RORA: variants seen among roughly 807,000 people sequenced by gnomAD.
RORA encodes RAR related orphan receptor A, also known as nuclear receptor ROR-alpha.
A neutral mutation model predicts 69.5 loss-of-function variants in RORA; 7 were observed. The observed-to-expected ratio is 0.10, with a 90% CI of 0.06 to 0.19. The LOEUF (loss-of-function observed/expected upper bound fraction) is 0.19. Among genes scored for constraint, RORA ranks in the 10% least tolerant of loss-of-function variants. The pLI is 1.00. For synonymous variants in RORA, 261 were observed against 240.8 expected, an observed-to-expected ratio of 1.08 and a Z score of -0.78; for missense variants, 457 against 663.0, an observed-to-expected ratio of 0.69 and a Z score of 3.41.
At chr15:60,552,897 G>C (rs1214761369) in intron 2 of RORA, among the ~76,000 whole-genome samples, 1 of 152,182 alleles carries the variant, frequency 6.6e-6, no homozygotes, top group Non-Finnish European at 1.5e-5. Flanking sequence ...CTCCATATAT[G>C]TTGTCAGATG....
chr15:60,534,952 C>T lies in RORA; in HGVS notation c.197-3101G>A, dbSNP rs1030401974. 6.6e-5 allele frequency among the ~76,000 whole-genome samples: 10 copies of T among 152,126 alleles called. No homozygotes were observed. Among genetic ancestry groups the T allele is most frequent in the Admixed American group, 6.5e-4 (10 of 15,274 alleles). ...TGCAGTCAATGCCTTGCAAATTTTT[C>T]AAAAGGAGGCAGTTTAGTTTTGTCA... On this transcript the variant is annotated intron_variant, in intron 2 of 10. Transcript: ENST00000335670. The surrounding 1 kb of genome is among the most constrained non-coding windows in gnomAD (Gnocchi z 5.0).
chr15:61,194,197 A>C (rs2079826593), intron 1 of RORA: 1 of 152,254 alleles, frequency 6.6e-6, no homozygotes, highest in Non-Finnish European at 1.5e-5. Flanking sequence ...CAGAGAAGAA[A>C]GAAAATGCAC....
In RORA at chr15:61,226,547, T is replaced by C. The variant is rs1025524464; in HGVS notation, c.166+2506A>G. Among the ~76,000 whole-genome samples the C allele has an allele frequency of 7.2e-5, 11 of 152,200 alleles. No individual in the cohort carries two copies. The highest frequency in any genetic ancestry group is 1.5e-4 in the Non-Finnish European group (10 of 68,044). On this transcript the variant is annotated intron_variant, in intron 1 of 10. Transcript: ENST00000335670. The surrounding 1 kb of genome is among the most constrained non-coding windows in gnomAD (Gnocchi z 4.2). ...CATCTGAAAACCCAAACATTTCCCA[T>C]TTTCAAATCACTCTCAACTACCAGG...
chr15:60,563,519 C>T (rs986322987), intron 2 of RORA, among the ~76,000 whole-genome samples: 29 of 152,206 alleles, frequency 1.9e-4, no homozygotes, highest in African/African-American at 6.5e-4. Context: ...AGAACACTTA[C>T]TGTTCCAATT....
At position 60,923,329 on chromosome 15, in the gene RORA, C is replaced by T. The variant is rs1171888946; in HGVS notation, c.167-244643G>A. ...TCTAAGGAGATCATGAGTCCCCCCA[C>T]TCCCGAACAAAGGGCCTTCATTTTA... On this transcript the variant is annotated intron_variant, in intron 1 of 10. Coordinates refer to ENST00000335670, the MANE Select transcript of RORA (RefSeq NM_134261.3). Among the ~76,000 whole-genome samples the T allele has an allele frequency of 2.0e-5, 3 of 152,376 alleles. No individual in the cohort carries two copies. In the South Asian group the frequency reaches 6.2e-4, roughly 32 times the overall value.
At chr15:60,796,502 A>AC (rs960708916) in intron 1 of RORA, among the ~76,000 whole-genome samples, 1 of 141,060 alleles carries the variant, frequency 7.1e-6, no homozygotes, top group African/African-American at 2.5e-5. Flanking sequence ...ATGGCTATCC[A>AC]CCCCCCGCCA....
chr15:61,215,031 A>AGTTTTTTT (rs1491564825), intron 1 of RORA, among the ~76,000 whole-genome samples: 6 of 80,632 alleles, frequency 7.4e-5, no homozygotes, highest in Non-Finnish European at 1.4e-4. Context: ...CGCCCAGCTA[A>AGTTTTTTT]TTTTTTTTTT....
At chr15:60,560,975 G>A (rs1186476836) in intron 2 of RORA, among the ~76,000 whole-genome samples, 1 of 150,844 alleles carries the variant, frequency 6.6e-6, no homozygotes, top group Non-Finnish European at 1.5e-5. Flanking sequence ...ATACACATCT[G>A]TACTCCCACA....
intron 2 of RORA, among the ~76,000 whole-genome samples, chr15:60,669,588 C>A (rs886827165): frequency 2.6e-5 from 4 of 152,100 alleles, no homozygotes; most frequent in Admixed American, 2.0e-4. Flanking sequence ...AAGCCAAAAC[C>A]TGCTCTCTGT....
intron 1 of RORA, among the ~76,000 whole-genome samples, chr15:60,906,551 G>T (rs572284456): frequency 9.2e-5 from 14 of 152,342 alleles, no homozygotes; most frequent in Admixed American, 7.8e-4. Flanking sequence ...CCCTCTCTCA[G>T]ATATTGTTTG....
chr15:60,693,416 T>C (rs1180782107), intron 1 of RORA, among the ~76,000 whole-genome samples: 1 of 152,088 alleles, frequency 6.6e-6, no homozygotes, highest in Admixed American at 6.5e-5. Flanking sequence ...CTCTCACCAC[T>C]CCTATTCAAC....
rs2070895298 is a variant in RORA, at chr15:60,695,791, C to T, written c.167-17105G>A. On this transcript the variant is annotated intron_variant, in intron 1 of 10. Transcript: ENST00000335670. Reference sequence around the variant, plus strand: ...ACTGAAGGGTGCTTTAAATATGGCTCGAGAAAGTACACGGAGGAAGCAAGT... The same window carrying T: ...ACTGAAGGGTGCTTTAAATATGGCTTGAGAAAGTACACGGAGGAAGCAAGT... 3.9e-5 allele frequency among the ~76,000 whole-genome samples: 6 copies of T among 151,938 alleles called. No homozygotes were observed. The South Asian group carries it at 1.0e-3, about 26-fold the overall frequency.
intron 1 of RORA, among the ~76,000 whole-genome samples, chr15:60,917,050 A>G (rs1891893562): frequency 6.6e-6 from 1 of 152,110 alleles, no homozygotes; most frequent in Non-Finnish European, 1.5e-5. Context: ...CGGCTTCCAG[A>G]GCCCAAAACC....
chr15:60,730,602 TG>T (rs2071417310), intron 1 of RORA, among the ~76,000 whole-genome samples: 1 of 152,250 alleles, frequency 6.6e-6, no homozygotes, highest in South Asian at 2.1e-4. Context: ...GGCTACTTTC[TG>T]TGCTTTAAAT....
Position 60,534,185 on chromosome 15 carries a change from C to T in RORA, c.197-2334G>A, listed in dbSNP as rs1054477011. On this transcript the variant is annotated intron_variant, in intron 2 of 10. Coordinates refer to ENST00000335670, the MANE Select transcript of RORA (RefSeq NM_134261.3). This position sits in a 1 kb window ranked among gnomAD's most constrained non-coding sequence, Gnocchi z 5.0. ...TTAAGGCTGTGACCAAGATGCCTGC[C>T]TGGCACGGAGGTCTGCTCATGATGG... Among the ~76,000 whole-genome samples the T allele has an allele frequency of 3.3e-5, 5 of 152,184 alleles. No individual in the cohort carries two copies. Among genetic ancestry groups the T allele is most frequent in the African/African-American group, 1.2e-4 (5 of 41,436 alleles).
chr15:60,714,255 C>T (rs528481210), intron 1 of RORA, among the ~76,000 whole-genome samples: 16 of 151,974 alleles, frequency 1.1e-4, no homozygotes, highest in South Asian at 2.1e-4. Flanking sequence ...GATGGGGTTT[C>T]GCCACATTGA....
At chr15:61,116,582 ATGTGACACTTTCAAAT>A (rs1232803530) in intron 1 of RORA, among the ~76,000 whole-genome samples, 1 of 152,202 alleles carries the variant, frequency 6.6e-6, no homozygotes, top group African/African-American at 2.4e-5. Context: ...TGCCATTGAA[ATGTGACACTTTCAAAT>A]TGGAGAGGGC....
intron 1 of RORA, among the ~76,000 whole-genome samples, chr15:60,984,509 T>C (rs755825799): frequency 7.2e-5 from 11 of 151,874 alleles, no homozygotes; most frequent in Non-Finnish European, 1.6e-4. Flanking sequence ...TGGGGGAATG[T>C]GGACACATAA....
intron 2 of RORA, among the ~76,000 whole-genome samples, chr15:60,659,403 C>A (rs1489966184): frequency 3.3e-5 from 5 of 152,098 alleles, no homozygotes; most frequent in Non-Finnish European, 7.4e-5. Context: ...ACCCTCTAGT[C>A]CATCCAACAA....
Sources: gnomAD v4.1 joint callset for allele counts (sites outside exome capture counted in the v4.1 genomes callset) on GRCh38, gnomAD v4.1.1 for gene constraint, Gnocchi (gnomAD v3.1) non-coding constraint, MANE v1.5 for transcripts, NCBI Gene and HGNC (gene_info 2026-07-23, HGNC 2026-07-21) for gene names.